The following SNX29 variants were observed in gnomAD, a reference collection of about 807,000 sequenced individuals.
The protein encoded by SNX29 is sorting nexin-29.
SNX29 carries 78 observed loss-of-function variants against 102.1 expected under a neutral mutation model. The ratio of observed to expected loss-of-function variants is 0.76; its 90% CI spans 0.64 to 0.92. The LOEUF is 0.92. SNX29 is among the 40% of genes least tolerant of loss of function. The pLI is 0.00. For synonymous variants in SNX29, 580 were observed against 414.5 expected (o/e 1.40, Z -4.85); for missense variants, 1,280 against 1,061.7 (o/e 1.21, Z -2.86).
At chr16:12,220,624 C>T (rs950300542) in intron 14 of SNX29, among the ~76,000 whole-genome samples, 2 of 152,234 alleles carry the variant, frequency 1.3e-5, no homozygotes, top group East Asian at 1.9e-4. Context: ...ACATCAGAGA[C>T]TGGATTCTGC....
chr16:12,343,551 C>A (rs2081678750), intron 15 of SNX29, among the ~76,000 whole-genome samples: 1 of 152,148 alleles, frequency 6.6e-6, no homozygotes, highest in Admixed American at 6.5e-5. Context: ...GCCAGCTGAC[C>A]TCTTCCTGCC....
intron 18 of SNX29, among the ~76,000 whole-genome samples, chr16:12,463,642 G>C (rs771273594): frequency 1.3e-5 from 2 of 151,990 alleles, no homozygotes; most frequent in Non-Finnish European, 2.9e-5. Context: ...ATTTGGGTGG[G>C]GATACAGAAC....
At chr16:12,546,215 C>G (rs933791021) in intron 20 of SNX29, 1 of 152,226 alleles carries the variant, frequency 6.6e-6, no homozygotes, top group African/African-American at 2.4e-5. Context: ...GTAGGAGGTA[C>G]TCATTGCTGT....
chr16:12,300,223 G>A (rs1319388886), intron 15 of SNX29, among the ~76,000 whole-genome samples: 3 of 152,168 alleles, frequency 2.0e-5, no homozygotes, highest in Non-Finnish European at 2.9e-5. Flanking sequence ...GCCAAGTAAC[G>A]TAATCTCCAT....
intron 8 of SNX29, among the ~76,000 whole-genome samples, chr16:12,053,805 C>G (rs62037741): frequency 1.3e-5 from 2 of 151,498 alleles, no homozygotes; most frequent in Non-Finnish European, 2.9e-5. Flanking sequence ...TGATTTATAC[C>G]CTATATTGTA....
intron 14 of SNX29, among the ~76,000 whole-genome samples, chr16:12,245,437 T>A (rs776123989): frequency 6.6e-6 from 1 of 151,842 alleles, no homozygotes; most frequent in Non-Finnish European, 1.5e-5. Context: ...CATGTTTGAA[T>A]TCATGTCATC....
chr16:12,165,417 A>T (rs985238131), intron 13 of SNX29, among the ~76,000 whole-genome samples: 5 of 152,242 alleles, frequency 3.3e-5, no homozygotes, highest in African/African-American at 4.8e-5. Flanking sequence ...CAAGTCACTT[A>T]TGCCTAAGAA....
chr16:12,330,339 C>T (rs1004129397), intron 15 of SNX29, among the ~76,000 whole-genome samples: 3 of 152,030 alleles, frequency 2.0e-5, no homozygotes, highest in African/African-American at 4.8e-5. Context: ...TGGTGGCGGA[C>T]GCCTCTAATC....
chr16:12,250,407 G>A (rs990311935), intron 14 of SNX29, among the ~76,000 whole-genome samples: 21 of 152,294 alleles, frequency 1.4e-4, no homozygotes, highest in Admixed American at 1.0e-3. Flanking sequence ...AGGGCCATTC[G>A]GCCTCATGTT....
chr16:12,429,292 A>C (rs73515976), intron 18 of SNX29, among the ~76,000 whole-genome samples: 10,701 of 152,310 alleles, frequency 0.07, 927 homozygotes, highest in African/African-American at 0.2. Context: ...GACACAACTG[A>C]AATTAATATC....
At chr16:12,260,122 C>G (rs1443517365) in intron 14 of SNX29, among the ~76,000 whole-genome samples, 1 of 152,198 alleles carries the variant, frequency 6.6e-6, no homozygotes, top group Non-Finnish European at 1.5e-5. Context: ...CTTCAGAATT[C>G]ATAAGGGAAG....
Position 12,201,630 on chromosome 16 carries a change from C to T in SNX29, c.1678+1947C>T, listed in dbSNP as rs114138687. On this transcript the variant is annotated intron_variant, in intron 14 of 20. Coordinates refer to ENST00000566228, the MANE Select transcript of SNX29 (RefSeq NM_032167.5). ...CCTGGGGAGCCCATTAAATATACCT[C>T]TTTCCAGGACACTGCCGCTGGGAGT... 1.7e-3 allele frequency among the ~76,000 whole-genome samples: 259 copies of T among 152,326 alleles called. 1 individual carries two copies. Among genetic ancestry groups the T allele is most frequent in the African/African-American group, 6.0e-3 (249 of 41,582 alleles).
At position 11,999,315 on chromosome 16, in the gene SNX29, A is replaced by G. The variant is rs868357541; in HGVS notation, c.26A>G (p.Lys9Arg). The change falls in exon 2 of 21, where the codon AAA becomes AGA. Residue 9 changes from lysine (K) to arginine (R), a missense_variant. By Grantham distance (26) the Lys-to-Arg change is conservative (BLOSUM62 2). Transcript: ENST00000566228. MSGSQNND[K>R]RQFLLERLLD... The stretch of plus-strand genomic sequence containing the variant: ...ATTTTAGGATCACAGAACAATGACA[A>G]AAGACAATTTCTGCTGGAGCGACTG... The G allele has an allele frequency of 3.7e-6, 6 of 1,614,040 alleles. No individual in the cohort carries two copies. The highest frequency in any genetic ancestry group is 1.6e-4 in the Middle Eastern group (1 of 6,084).
intron 18 of SNX29, among the ~76,000 whole-genome samples, chr16:12,436,532 G>A (rs901918712): frequency 1.2e-4 from 18 of 152,236 alleles, no homozygotes; most frequent in East Asian, 1.9e-4. Context: ...CTGCTCAGGC[G>A]CAGCCTGGCT....
intron 14 of SNX29, among the ~76,000 whole-genome samples, chr16:12,240,882 A>G (rs1889752484): frequency 6.6e-6 from 1 of 152,156 alleles, no homozygotes; most frequent in Non-Finnish European, 1.5e-5. Flanking sequence ...CTGGGATTAC[A>G]GGCGTTACCC....
In SNX29 at chr16:12,370,623, C is replaced by T. The variant is rs151017757; in HGVS notation, c.1899+14344C>T. ...TCTTGGGCCATCAGTCACGTAGGCA[C>T]TTTGGGCGAGGCACTGAGCAGCACC... On this transcript the variant is annotated intron_variant, in intron 16 of 20. Transcript: ENST00000566228. Among the ~76,000 whole-genome samples the T allele has an allele frequency of 4.0e-3, 602 of 152,310 alleles. 4 individuals are homozygous for T. The highest frequency in any genetic ancestry group is 0.014 in the African/African-American group (575 of 41,576).
At chr16:12,067,572 C>T (rs889557279) in intron 9 of SNX29, among the ~76,000 whole-genome samples, 1 of 152,216 alleles carries the variant, frequency 6.6e-6, no homozygotes, top group Non-Finnish European at 1.5e-5. Context: ...ACTGCAACCT[C>T]CACCTTCTGG....
In SNX29 at chr16:12,327,470, C is replaced by T. The variant is rs779912856; in HGVS notation, c.1783-28693C>T. The stretch of plus-strand genomic sequence containing the variant: ...GAGGCCTCTCTCCTTGGTTTATAGA[C>T]GGCCGTCTTCCCACTGTGGTCTTTC... On this transcript the variant is annotated intron_variant, in intron 15 of 20. Coordinates refer to ENST00000566228, the MANE Select transcript of SNX29 (RefSeq NM_032167.5). 1.2e-4 allele frequency among the ~76,000 whole-genome samples: 18 copies of T among 152,032 alleles called. 1 individual carries two copies. The highest frequency in any genetic ancestry group is 3.9e-4 in the East Asian group (2 of 5,168).
intron 15 of SNX29, among the ~76,000 whole-genome samples, chr16:12,294,198 G>A (rs2079900295): frequency 6.6e-6 from 1 of 152,218 alleles, no homozygotes. Context: ...TCTATGGCCT[G>A]GGAATCATCA....
Sources: gnomAD v4.1 joint callset for allele counts (sites outside exome capture counted in the v4.1 genomes callset) on GRCh38, gnomAD v4.1.1 for gene constraint, MANE v1.5 for transcripts, NCBI Gene and HGNC (gene_info 2026-07-23, HGNC 2026-07-21) for gene names.